The following KCNK9 variants were observed in gnomAD, a reference collection of about 807,000 sequenced individuals.
The protein encoded by KCNK9 is potassium channel subfamily K member 9.
A neutral mutation model predicts 10.8 loss-of-function variants in KCNK9; 1 was observed. That is an observed-to-expected ratio of 0.09 (90% CI 0.03 to 0.44). The LOEUF (loss-of-function observed/expected upper bound fraction) is 0.44. Among genes scored for constraint, KCNK9 ranks in the 20% least tolerant of loss-of-function variants. The pLI is 0.97. For missense variants in KCNK9, 303 were observed against 515.0 expected (o/e 0.59, Z 3.98); for synonymous variants, 231 against 222.7 (o/e 1.04, Z -0.33).
intron 1 of KCNK9, among the ~76,000 whole-genome samples, chr8:139,679,177 G>A (rs1387067029): frequency 9.9e-5 from 15 of 152,194 alleles, no homozygotes; most frequent in Admixed American, 4.6e-4. Context: ...GAGTGGCCAC[G>A]TGACCCACTT....
chr8:139,619,177 GGTGCA>G (rs1814697721), intron 1 of KCNK9, 78 bp from the exon 2 acceptor site: 2 of 1,530,600 alleles, frequency 1.3e-6, no homozygotes, highest in East Asian at 2.3e-5. Context: ...GGGTCGACTT[GGTGCA>G]GTGCAGTGCA....
chr8:139,672,048 G>A (rs573720387), intron 1 of KCNK9, among the ~76,000 whole-genome samples: 186 of 152,298 alleles, frequency 1.2e-3, no homozygotes, highest in African/African-American at 4.2e-3. Context: ...GAACAAGGGC[G>A]GGGGTGAGAT....
At position 139,703,096 on chromosome 8, in the gene KCNK9, C is replaced by T; in HGVS notation, c.-104G>A. The stretch of plus-strand genomic sequence containing the variant: ...GCCGCCGCCGCCTCCTCCTCCGCCG[C>T]CGCCGCCGCCGCCTCCAAGTTGTAA... On this transcript the variant is annotated 5_prime_UTR_variant, in exon 1 of 2. Transcript: ENST00000520439. The surrounding 1 kb of genome is among the most constrained non-coding windows in gnomAD (Gnocchi z 6.4). The T allele has an allele frequency of 2.1e-6, 2 of 959,316 alleles. No homozygotes were observed. Among genetic ancestry groups the T allele is most frequent in the Non-Finnish European group, 2.7e-6 (2 of 742,870 alleles). The allele number at this position is 959,316 out of a possible 1,614,324, so 59.4% of individuals were successfully genotyped here. A position where few individuals can be genotyped will look rare whatever the true frequency, so the allele number is the denominator to read the frequency against.
At chr8:139,687,359 C>T (rs1816814203) in intron 1 of KCNK9, among the ~76,000 whole-genome samples, 2 of 144,094 alleles carry the variant, frequency 1.4e-5, no homozygotes, top group African/African-American at 2.5e-5. Context: ...TATATGTATA[C>T]ATATATATGT....
At chr8:139,627,562 G>A (rs1305240375) in intron 1 of KCNK9, among the ~76,000 whole-genome samples, 2 of 152,216 alleles carry the variant, frequency 1.3e-5, no homozygotes, top group African/African-American at 4.8e-5. Flanking sequence ...ATGGGAAGCT[G>A]TACAGAGATG....
chr8:139,641,907 C>G (rs1216249779), intron 1 of KCNK9, among the ~76,000 whole-genome samples: 1 of 152,190 alleles, frequency 6.6e-6, no homozygotes, highest in Non-Finnish European at 1.5e-5. Context: ...GGCTGCCTGG[C>G]TGGCAGAGCT....
chr8:139,638,153 A>G (rs1480683974), intron 1 of KCNK9, among the ~76,000 whole-genome samples: 1 of 151,908 alleles, frequency 6.6e-6, no homozygotes, highest in African/African-American at 2.4e-5. Context: ...GGAAGACATC[A>G]AGCTCCTTAT....
intron 1 of KCNK9, among the ~76,000 whole-genome samples, chr8:139,638,435 G>T (rs1815401012): frequency 6.6e-6 from 1 of 152,166 alleles, no homozygotes; most frequent in African/African-American, 2.4e-5. Flanking sequence ...ACTTGGTGGG[G>T]GAGCCATTCT....
intron 1 of KCNK9, among the ~76,000 whole-genome samples, chr8:139,701,623 C>A (rs542637260): frequency 6.6e-6 from 1 of 152,232 alleles, no homozygotes; most frequent in African/African-American, 2.4e-5. Context: ...CCCCCACTAA[C>A]ACACTGGCCT....
In KCNK9 at chr8:139,693,223, G is replaced by T. The variant is rs969356206; in HGVS notation, c.283+9487C>A. On this transcript the variant is annotated intron_variant, in intron 1 of 1. Transcript: ENST00000520439. This position sits in a 1 kb window ranked among gnomAD's most constrained non-coding sequence, Gnocchi z 4.1. ...CAGCCAAAGTCCATTTCACAAGTAGGCATCTCTTCCTGCCAGATGCCCTGC... is the reference window on the plus strand; with the variant it reads ...CAGCCAAAGTCCATTTCACAAGTAGTCATCTCTTCCTGCCAGATGCCCTGC... Among the ~76,000 whole-genome samples the T allele has an allele frequency of 6.6e-5, 10 of 152,088 alleles. No individual in the cohort carries two copies. Among genetic ancestry groups the T allele is most frequent in the Non-Finnish European group, 1.5e-4 (10 of 68,028 alleles).
intron 1 of KCNK9, among the ~76,000 whole-genome samples, chr8:139,647,680 G>A (rs1394169306): frequency 1.3e-5 from 2 of 152,138 alleles, no homozygotes; most frequent in South Asian, 2.1e-4. Context: ...GAGGTCACAG[G>A]GACCCAGCCA....
chr8:139,631,087 G>A (rs991963614), intron 1 of KCNK9, among the ~76,000 whole-genome samples: 4 of 152,238 alleles, frequency 2.6e-5, no homozygotes, highest in African/African-American at 9.6e-5. Flanking sequence ...ACACGGCCCC[G>A]GGTGCGGGGT....
chr8:139,619,042 G>A lies in KCNK9; in HGVS notation c.341C>T (p.Ala114Val), dbSNP rs1330681641. ...CAGTGTCAGCGGGATGCCCAGCACG[G>A]CGTAGAACATGCAGAAGGCCTTGCC... is the stretch of plus-strand genomic sequence containing the variant. ...DAGKAFCMFY[A>V]VLGIPLTLVM... The change falls in exon 2 of 2, where the codon GCC becomes GTC. Residue 114 changes from alanine to valine, a missense_variant. This residue lies in a region of KCNK9 where 22 missense variants were observed against 86.5 expected (regional missense o/e 0.25). Transcript: ENST00000520439. The A allele has an allele frequency of 1.9e-6, 3 of 1,614,102 alleles. No individual in the cohort carries two copies. Among genetic ancestry groups the A allele is most frequent in the African/African-American group, 1.3e-5 (1 of 74,946 alleles).
chr8:139,670,637 C>G (rs1049095584), intron 1 of KCNK9, among the ~76,000 whole-genome samples: 1 of 152,058 alleles, frequency 6.6e-6, no homozygotes, highest in Admixed American at 6.6e-5. Context: ...CCATTCTCCC[C>G]CAGGTACCAA....
chr8:139,660,795 C>T (rs1035384381), intron 1 of KCNK9, among the ~76,000 whole-genome samples: 1 of 152,064 alleles, frequency 6.6e-6, no homozygotes, highest in African/African-American at 2.4e-5. Flanking sequence ...TGTCTTGCAA[C>T]CATTCCCATT....
chr8:139,647,999 C>T (rs987101552), intron 1 of KCNK9, among the ~76,000 whole-genome samples: 2 of 152,190 alleles, frequency 1.3e-5, no homozygotes, highest in Non-Finnish European at 2.9e-5. Context: ...ATGTGCATAG[C>T]AGCACGCTAG....
intron 1 of KCNK9, among the ~76,000 whole-genome samples, chr8:139,639,942 T>C (rs1451508920): frequency 1.3e-5 from 2 of 152,052 alleles, no homozygotes; most frequent in African/African-American, 2.4e-5. Context: ...GGAGATGTCA[T>C]CCATGTCATC....
At chr8:139,688,137 A>G (rs1191090805) in intron 1 of KCNK9, among the ~76,000 whole-genome samples, 2 of 152,158 alleles carry the variant, frequency 1.3e-5, no homozygotes, top group African/African-American at 4.8e-5. Context: ...ATGCTAAAGG[A>G]GATAGGATCA....
intron 1 of KCNK9, among the ~76,000 whole-genome samples, chr8:139,686,475 AAAG>A (rs1297649189): frequency 6.6e-6 from 1 of 152,252 alleles, no homozygotes; most frequent in South Asian, 2.1e-4. Context: ...ACACTTCTCG[AAAG>A]AAGACATTTA....
Sources: allele counts gnomAD v4.1 joint callset (sites outside exome capture counted in the v4.1 genomes callset), GRCh38; gene constraint gnomAD v4.1.1; regional missense constraint gnomAD v4.1.1; non-coding constraint Gnocchi (gnomAD v3.1); transcripts MANE v1.5; gene names NCBI Gene and HGNC (gene_info 2026-07-23, HGNC 2026-07-21).